The following HSPG2 variants were observed in gnomAD, a reference collection of about 807,000 sequenced individuals.
HSPG2 encodes the protein basement membrane-specific heparan sulfate proteoglycan core protein.
A neutral mutation model predicts 526.6 loss-of-function variants in HSPG2; 278 were observed. The ratio of observed to expected loss-of-function variants is 0.53; its 90% CI spans 0.48 to 0.58. The LOEUF (loss-of-function observed/expected upper bound fraction) is 0.58. Ranked by LOEUF, HSPG2 falls within the 20% of genes least tolerant of loss-of-function variation. The probability of loss-of-function intolerance (pLI) is 0.00; values close to 1 mark genes in which losing one functional copy is unlikely to be tolerated. For synonymous variants in HSPG2, 2,465 were observed against 2,555.4 expected (o/e 0.96, Z 1.07); for missense variants, 5,354 against 6,099.5 (o/e 0.88, Z 4.07).
chr1:21,888,655 C>T (rs781747002), intron 6 of HSPG2: 1 of 1,364,208 alleles, frequency 7.3e-7, no homozygotes, highest in Non-Finnish European at 9.8e-7. Flanking sequence ...CTCGGCCTGG[C>T]TTACACTCTC....
intron 1 of HSPG2, among the ~76,000 whole-genome samples, chr1:21,931,531 G>C (rs1260077731): frequency 2.0e-5 from 3 of 152,184 alleles, no homozygotes; most frequent in Non-Finnish European, 4.4e-5. Context: ...CAGATACTTG[G>C]GAAGCTGCCG....
chr1:21,840,126 AT>A, intron 71 of HSPG2, 109 bp from the exon 72 acceptor site: 1 of 850,732 alleles, frequency 1.2e-6, no homozygotes, highest in Non-Finnish European at 2.0e-6. Context: ...CTTGGTATCT[AT>A]TTATTTACTT....
rs150256308 is a variant in HSPG2 at position 21,858,066 on chromosome 1, G to A, written c.5294-681C>T. ...AACTCCCCCTTGACCTCATGCTCTC[G>A]CAGTCAATGACCCACTTCCTGGCCT... On this transcript the variant is annotated intron_variant, in intron 42 of 96. Coordinates refer to ENST00000374695, the MANE Select transcript of HSPG2 (RefSeq NM_005529.7). The surrounding 1 kb of genome is among the most constrained non-coding windows in gnomAD (Gnocchi z 4.2). Among the ~76,000 whole-genome samples the A allele has an allele frequency of 5.2e-4, 79 of 152,196 alleles. No homozygotes were observed. The highest frequency in any genetic ancestry group is 1.8e-3 in the African/African-American group (74 of 41,504).
In HSPG2 at chr1:21,861,486, T is replaced by TA. The variant is rs34107180; in HGVS notation, c.4955+270dup. ...AACACAGTGAGACCCTGTCTCAGTTTAAAAAAAAAAAAAGAAAGAAAAAGC... is the reference window on the plus strand; with the variant it reads ...AACACAGTGAGACCCTGTCTCAGTTTAAAAAAAAAAAAAAGAAAGAAAAAGC... On this transcript the variant is annotated intron_variant, in intron 39 of 96. Coordinates refer to ENST00000374695, the MANE Select transcript of HSPG2 (RefSeq NM_005529.7). Among the ~76,000 whole-genome samples, 2,815 of 16,250 alleles carry TA rather than the reference T, an allele frequency of 0.17. 85 individuals carry two copies. The highest frequency in any genetic ancestry group is 0.19 in the African/African-American group (2,665 of 13,864). 10.7% of individuals were successfully genotyped at this position (16,250 alleles called of 152,430 possible).
intron 50 of HSPG2, chr1:21,853,751 AAAAATAAAAT>A (rs60801691): frequency 0.014 from 2,072 of 148,384 alleles, 35 homozygotes; most frequent in Middle Eastern, 0.026. Flanking sequence ...TCTCTCTCAA[AAAAATAAAAT>A]AAAATAAAAT....
intron 29 of HSPG2, among the ~76,000 whole-genome samples, 164 bp from the exon 30 acceptor site, chr1:21,873,588 G>A (rs1346116505): frequency 1.3e-5 from 2 of 152,184 alleles, no homozygotes; most frequent in African/African-American, 2.4e-5. Flanking sequence ...GAGCAGGGAC[G>A]TGCCCTGGAC....
At chr1:21,888,594 CT>C in intron 6 of HSPG2, 4 of 1,158,128 alleles carry the variant, frequency 3.5e-6, no homozygotes, top group African/African-American at 1.6e-5. Context: ...GCGTGAGCCC[CT>C]GCACCCGGCC....
At position 21,841,544 on chromosome 1, in the gene HSPG2, A is replaced by C. The variant is rs1175694780; in HGVS notation, c.9323T>G (p.Val3108Gly). Residue 3108 changes from valine (V) to glycine (G), a missense_variant, in exon 70 of 97, where the codon GTG becomes GGG. Val to Gly is a moderately radical substitution (Grantham distance 109, BLOSUM62 -3). Transcript: ENST00000374695. ...CAGGGTCAACGTCCCCTCACCGTGC[A>C]CACTGAGGTTCACCACACTCTGGGC... ...GVAQSVVNLS[V>G]HGPPTVSVLP... 1.2e-6 allele frequency: 2 copies of C among 1,614,256 alleles called. No individual in the cohort carries two copies. Among genetic ancestry groups the C allele is most frequent in the Non-Finnish European group, 1.7e-6 (2 of 1,180,032 alleles).
Position 21,831,275 on chromosome 1 carries a change from G to T in HSPG2, c.11502C>A (p.Asp3834Glu). Residue 3834 changes from aspartate (D) to glutamate (E), a missense_variant, in exon 84 of 97, where the codon GAC becomes GAA. Transcript: ENST00000374695. ...RIQGEEIVFH[D>E]LNLTAHGISH... is the part of the protein sequence containing the mutation. Reference sequence around the variant, plus strand: ...AGATGCCGTGCGCCGTGAGGTTGAGGTCATGGAAGACGATCTCCTCGCCCT... The same window carrying T: ...AGATGCCGTGCGCCGTGAGGTTGAGTTCATGGAAGACGATCTCCTCGCCCT... The T allele has an allele frequency of 6.2e-7, 1 of 1,614,056 alleles. No individual in the cohort carries two copies. The highest frequency in any genetic ancestry group is 8.5e-7 in the Non-Finnish European group (1 of 1,180,002).
At chr1:21,880,915 C>T (rs1641453462) in intron 14 of HSPG2, 80 bp from the exon 15 acceptor site, 9 of 1,354,280 alleles carry the variant, frequency 6.6e-6, no homozygotes, top group South Asian at 5.0e-5. Flanking sequence ...TATAGTCTTC[C>T]AGCTCCTCCC....
chr1:21,908,079 C>G, intron 1 of HSPG2: 1 of 763,948 alleles, frequency 1.3e-6, no homozygotes, highest in South Asian at 1.3e-5. Flanking sequence ...GAACCGCCAT[C>G]TTCCAGTAAT....
At chr1:21,874,789 C>T (rs1292264050) in intron 26 of HSPG2, 60 bp from the exon 27 acceptor site, 10 of 1,508,592 alleles carry the variant, frequency 6.6e-6, no homozygotes, top group Non-Finnish European at 9.1e-6. Context: ...CAGGTAGGGG[C>T]ACTGGATGGC....
At position 21,823,280 on chromosome 1, in the gene HSPG2, G is replaced by A. The variant is rs1177897844; in HGVS notation, c.*36C>T. On this transcript the variant is annotated 3_prime_UTR_variant, in exon 97 of 97. Coordinates refer to ENST00000374695, the MANE Select transcript of HSPG2 (RefSeq NM_005529.7). ...ATATACTCGACATTGTCGGGCTGGG[G>A]CGTGGCCCGGGAGTCCGTGTGGGGC... 1 of 1,465,736 alleles carries A rather than the reference G, an allele frequency of 6.8e-7. No homozygotes were observed. The highest frequency in any genetic ancestry group is 2.5e-5 in the East Asian group (1 of 40,162). 90.8% of individuals were successfully genotyped at this position (1,465,736 alleles called of 1,614,324 possible).
intron 1 of HSPG2, among the ~76,000 whole-genome samples, chr1:21,902,735 C>A (rs574492203): frequency 6.6e-6 from 1 of 152,202 alleles, no homozygotes; most frequent in Non-Finnish European, 1.5e-5. Context: ...TTCTCGGGAG[C>A]GCTGGGGCAG....
At position 21,839,412 on chromosome 1, in the gene HSPG2, G is replaced by C; in HGVS notation, c.9848C>G (p.Pro3283Arg). 6.2e-7 allele frequency: 1 copy of C among 1,613,916 alleles called. No homozygotes were observed. The highest frequency in any genetic ancestry group is 8.5e-7 in the Non-Finnish European group (1 of 1,180,004). ...SGQYICNATSPAGHAEATIIL... is the reference protein window; with the variant it reads ...SGQYICNATSRAGHAEATIIL... ...GATGGTGGCCTCAGCGTGCCCAGCA[G>C]GGCTAGTGGCATTGCAGATGTACTG... Residue 3283 changes from proline to arginine, a missense_variant, in exon 73 of 97, where the codon CCT (proline) becomes CGT (arginine). Coordinates refer to ENST00000374695, the MANE Select transcript of HSPG2 (RefSeq NM_005529.7). This position sits in a 1 kb window ranked among gnomAD's most constrained non-coding sequence, Gnocchi z 4.5.
chr1:21,920,540 G>A (rs919333928), intron 1 of HSPG2, among the ~76,000 whole-genome samples: 3 of 152,172 alleles, frequency 2.0e-5, no homozygotes, highest in Non-Finnish European at 2.9e-5. Flanking sequence ...CCCCCACATC[G>A]CCTTATAAAG....
At position 21,872,240 on chromosome 1, in the gene HSPG2, T is replaced by C. The variant is rs754885145; in HGVS notation, c.4167A>G (p.Gln1389=). 2 of 1,552,558 alleles carry C rather than the reference T, an allele frequency of 1.3e-6. No homozygotes were observed. The highest frequency in any genetic ancestry group is 2.7e-5 in the African/African-American group (2 of 73,064). The change falls in exon 33 of 97, where the codon CAA becomes CAG. Residue 1389 remains glutamine (Q), a synonymous_variant. Transcript: ENST00000374695. This position sits in a 1 kb window ranked among gnomAD's most constrained non-coding sequence, Gnocchi z 5.5. ...GCCAGTAGAAGGACTCATGGCCGAGTTGGGCAAAGTTGCCAAAAGAGAGCT... is the reference window on the plus strand; with the variant it reads ...GCCAGTAGAAGGACTCATGGCCGAGCTGGGCAAAGTTGCCAAAAGAGAGCT... ...GAQLSFGNFA[Q]LGHESFYWQL...
At chr1:21,844,032 C>T in intron 65 of HSPG2, 116 bp downstream of exon 65, 2 of 1,394,702 alleles carry the variant, frequency 1.4e-6, no homozygotes, top group Non-Finnish European at 2.0e-6. Flanking sequence ...CCATTGACCT[C>T]CTGCTGCCAT....
In HSPG2 at chr1:21,858,792, C is replaced by T. The variant is rs899770652; in HGVS notation, c.5293+774G>A. ...ATGGGTGGGACAGATGTGCAGGGGA[C>T]TTGATGCTCCCAGAATAGGTCTCAG... On this transcript the variant is annotated intron_variant, in intron 42 of 96. Coordinates refer to ENST00000374695, the MANE Select transcript of HSPG2 (RefSeq NM_005529.7). The surrounding 1 kb of genome is among the most constrained non-coding windows in gnomAD (Gnocchi z 4.2). Among the ~76,000 whole-genome samples the T allele has an allele frequency of 1.3e-5, 2 of 152,184 alleles. No homozygotes were observed. The highest frequency in any genetic ancestry group is 4.8e-5 in the African/African-American group (2 of 41,442).
Sources: gnomAD v4.1 joint callset for allele counts (sites outside exome capture counted in the v4.1 genomes callset) on GRCh38, gnomAD v4.1.1 for gene constraint, Gnocchi (gnomAD v3.1) non-coding constraint, MANE v1.5 for transcripts, NCBI Gene and HGNC (gene_info 2026-07-23, HGNC 2026-07-21) for gene names.